Variants in CACNA1D observed in about 807,000 individuals in gnomAD.
CACNA1D encodes voltage-dependent L-type calcium channel subunit alpha-1D.
Under a neutral mutation model 257.1 loss-of-function variants are expected in CACNA1D, and 55 were observed. The observed-to-expected ratio is 0.21, with a 90% CI of 0.17 to 0.27. The LOEUF is 0.27. Ranked by LOEUF, CACNA1D falls within the 10% of genes least tolerant of loss-of-function variation. CACNA1D has a pLI of 1.00. For missense variants in CACNA1D, 1,876 were observed against 2,784.0 expected (o/e 0.67, Z 7.34); for synonymous variants, 980 against 1,014.9 (o/e 0.97, Z 0.65).
chr3:53,501,898 T>A (rs548378956), intron 3 of CACNA1D, among the ~76,000 whole-genome samples, 178 bp downstream of exon 3: 13 of 152,318 alleles, frequency 8.5e-5, no homozygotes, highest in African/African-American at 3.1e-4. Context: ...ATTCTCAAAT[T>A]TATACTGACT....
intron 3 of CACNA1D, among the ~76,000 whole-genome samples, chr3:53,638,349 G>T (rs554633813): frequency 3.2e-4 from 48 of 152,244 alleles, no homozygotes; most frequent in Non-Finnish European, 6.3e-4. Flanking sequence ...CCTCCGGGAA[G>T]AATTGTGCAC....
At chr3:53,533,662 G>A (rs896578317) in intron 3 of CACNA1D, among the ~76,000 whole-genome samples, 1 of 152,194 alleles carries the variant, frequency 6.6e-6, no homozygotes, top group Non-Finnish European at 1.5e-5. Flanking sequence ...CTTCCCTGGG[G>A]TCCCCAGCCT....
chr3:53,636,199 G>A (rs2093881559), intron 3 of CACNA1D, among the ~76,000 whole-genome samples: 1 of 152,170 alleles, frequency 6.6e-6, no homozygotes, highest in Non-Finnish European at 1.5e-5. Context: ...GACTTCTAGA[G>A]TTGTGTTTTT....
chr3:53,798,046 G>T (rs1470053570), intron 40 of CACNA1D: 2 of 152,288 alleles, frequency 1.3e-5, no homozygotes, highest in East Asian at 1.9e-4. Flanking sequence ...TGAACCCCTT[G>T]CTTAGCTCAC....
chr3:53,702,600 A>G (rs768086974), intron 8 of CACNA1D, 41 bp from the exon 9 acceptor site: 1 of 1,605,852 alleles, frequency 6.2e-7, no homozygotes, highest in Non-Finnish European at 8.5e-7. Flanking sequence ...CAGGTCCCCA[A>G]GGATGTCCTG....
At chr3:53,511,005 A>G (rs939209073) in intron 3 of CACNA1D, among the ~76,000 whole-genome samples, 2 of 152,102 alleles carry the variant, frequency 1.3e-5, no homozygotes, top group South Asian at 2.1e-4. Flanking sequence ...TAATACAAAA[A>G]CTGAGTCTTA....
At chr3:53,749,143 T>G (rs2095201186) in intron 26 of CACNA1D, 125 bp from the exon 27 acceptor site, 1 of 732,708 alleles carries the variant, frequency 1.4e-6, no homozygotes. Context: ...CCAGCAGCCT[T>G]GGGGTGGGTT....
rs2094278602 is a variant in CACNA1D, at chr3:53,667,451, A to T, written c.1116+916A>T. 1.3e-5 allele frequency among the ~76,000 whole-genome samples: 2 copies of T among 152,240 alleles called. 1 individual carries two copies. The highest frequency in any genetic ancestry group is 4.1e-4 in the South Asian group (2 of 4,830). On this transcript the variant is annotated intron_variant, in intron 7 of 47. Transcript: ENST00000350061. ...CCAAGTCCAAAGGGGAGTAACCAGGATTCCAATCATGAGTTGTTAAAAGGA... is the reference window on the plus strand; with the variant it reads ...CCAAGTCCAAAGGGGAGTAACCAGGTTTCCAATCATGAGTTGTTAAAAGGA...
Position 53,529,500 on chromosome 3 carries a change from G to A in CACNA1D, c.483+27780G>A, listed in dbSNP as rs141819934. Among the ~76,000 whole-genome samples the A allele has an allele frequency of 5.0e-3, 755 of 152,284 alleles. 4 individuals carry two copies. The highest frequency in any genetic ancestry group is 7.4e-3 in the Non-Finnish European group (504 of 68,022). ...GTCCCTGTCTGGCTTTGGTGTCTGGGTTGTGCTGGACTCATAATGTGAGAA... is the reference window on the plus strand; with the variant it reads ...GTCCCTGTCTGGCTTTGGTGTCTGGATTGTGCTGGACTCATAATGTGAGAA... On this transcript the variant is annotated intron_variant, in intron 3 of 47. Coordinates refer to ENST00000350061, the MANE Select transcript of CACNA1D (RefSeq NM_001128840.3).
At chr3:53,804,908 T>C (rs946968400) in intron 44 of CACNA1D, 75 bp from the exon 45 acceptor site, 8 of 1,357,362 alleles carry the variant, frequency 5.9e-6, no homozygotes, top group Admixed American at 1.7e-5. Context: ...GAGAGGAGTA[T>C]GGATGTCAGT....
At chr3:53,666,650 G>A in intron 7 of CACNA1D, 115 bp downstream of exon 7, 1 of 868,200 alleles carries the variant, frequency 1.2e-6, no homozygotes, top group Non-Finnish European at 2.0e-6. Context: ...CAGTTATTTG[G>A]GAAGGGAAGC....
intron 18 of CACNA1D, among the ~76,000 whole-genome samples, 173 bp from the exon 19 acceptor site, chr3:53,732,642 C>G (rs1311924532): frequency 1.3e-5 from 2 of 152,160 alleles, no homozygotes; most frequent in Non-Finnish European, 2.9e-5. Context: ...CAGCACCCCC[C>G]ACCCCTGCAA....
At chr3:53,680,179 C>T (rs555952179) in intron 8 of CACNA1D, among the ~76,000 whole-genome samples, 3 of 152,152 alleles carry the variant, frequency 2.0e-5, no homozygotes, top group East Asian at 1.9e-4. Flanking sequence ...AAATGGCTGT[C>T]GGGATCAGTG....
chr3:53,799,899 T>C, intron 40 of CACNA1D: 1 of 363,624 alleles, frequency 2.8e-6, no homozygotes, highest in East Asian at 6.7e-5. Flanking sequence ...GATAGGGCTC[T>C]TGTAGGCGAG....
chr3:53,799,609 G>A (rs1209126496), intron 40 of CACNA1D, among the ~76,000 whole-genome samples: 3 of 152,214 alleles, frequency 2.0e-5, no homozygotes, highest in African/African-American at 7.2e-5. Context: ...CCTGCACACA[G>A]GCTACAGGCC....
intron 3 of CACNA1D, among the ~76,000 whole-genome samples, chr3:53,524,616 A>G (rs1219937073): frequency 2.0e-5 from 3 of 152,354 alleles, no homozygotes; most frequent in African/African-American, 7.2e-5. Flanking sequence ...TCAGGGGTAC[A>G]TGTGTACCTG....
At chr3:53,540,253 G>T (rs1343381086) in intron 3 of CACNA1D, among the ~76,000 whole-genome samples, 1 of 151,612 alleles carries the variant, frequency 6.6e-6, no homozygotes, top group Non-Finnish European at 1.5e-5. Context: ...TGAGTAGTGG[G>T]GATTACAGAC....
rs375270776 is a variant in CACNA1D, at chr3:53,753,712, T to C, written c.3786+30T>C. 60 of 1,306,518 alleles carry C rather than the reference T, an allele frequency of 4.6e-5. No homozygotes were observed. The African/African-American group carries it at 7.0e-4, about 15-fold the overall frequency. The allele number at this position is 1,306,518 out of a possible 1,614,324, so 80.9% of individuals were successfully genotyped here. A position where few individuals can be genotyped will look rare whatever the true frequency, so the allele number is the denominator to read the frequency against. ...GTTGCAGAACCCACTTTTCAAAGGT[T>C]GTTGCTGAGTCACCCTAGAGAAGTA... On this transcript the variant is annotated intron_variant, in intron 29 of 47. Coordinates refer to ENST00000350061, the MANE Select transcript of CACNA1D (RefSeq NM_001128840.3).
intron 5 of CACNA1D, among the ~76,000 whole-genome samples, chr3:53,663,121 C>T (rs1288751137): frequency 6.6e-6 from 1 of 152,188 alleles, no homozygotes; most frequent in African/African-American, 2.4e-5. Flanking sequence ...CAGGGTCGTG[C>T]TGAGTCTGAA....
Sources: gnomAD v4.1 joint callset for allele counts (sites outside exome capture counted in the v4.1 genomes callset) on GRCh38, gnomAD v4.1.1 for gene constraint, MANE v1.5 for transcripts, NCBI Gene and HGNC (gene_info 2026-07-23, HGNC 2026-07-21) for gene names.